RBMS3: variants seen among roughly 807,000 people sequenced by gnomAD.
RBMS3 encodes RNA binding motif single stranded interacting protein 3.
A neutral mutation model predicts 66.8 loss-of-function variants in RBMS3; 27 were observed. The observed-to-expected ratio is 0.40, with a 90% CI of 0.30 to 0.56. The LOEUF (loss-of-function observed/expected upper bound fraction) is 0.56. Ranked by LOEUF, RBMS3 falls within the 20% of genes least tolerant of loss-of-function variation. The probability of loss-of-function intolerance (pLI) is 0.40; values close to 1 mark genes in which losing one functional copy is unlikely to be tolerated. For missense variants in RBMS3, 513 were observed against 549.5 expected (o/e 0.93, Z 0.66); for synonymous variants, 188 against 183.0 (o/e 1.03, Z -0.22).
intron 3 of RBMS3, among the ~76,000 whole-genome samples, chr3:29,529,205 G>A (rs1326140033): frequency 3.3e-5 from 5 of 152,152 alleles, no homozygotes; most frequent in Admixed American, 2.6e-4. Flanking sequence ...TTGATCTATT[G>A]TAACTGTTCA....
chr3:29,994,527 T>C (rs367871017), intron 14 of RBMS3, among the ~76,000 whole-genome samples: 21 of 152,206 alleles, frequency 1.4e-4, no homozygotes, highest in Middle Eastern at 3.4e-3. Flanking sequence ...CTTAAATGTC[T>C]CTGTCTGACA....
Position 29,437,099 on chromosome 3 carries a change from GACTA to G in RBMS3, c.248+2187_248+2190del, listed in dbSNP as rs375925822. Among the ~76,000 whole-genome samples the G allele has an allele frequency of 4.6e-3, 708 of 152,290 alleles. 6 individuals are homozygous for G. The highest frequency in any genetic ancestry group is 0.016 in the African/African-American group (683 of 41,558). ...TCAGCAGTGTGCTGGAGCTGGCTCT[GACTA>G]ACACACTTGAGCCAATTGTTACATA... On this transcript the variant is annotated intron_variant, in intron 2 of 14. Coordinates refer to ENST00000383767, the MANE Select transcript of RBMS3 (RefSeq NM_001003793.3).
At chr3:29,344,141 T>TTTCC (rs1329403294) in intron 1 of RBMS3, among the ~76,000 whole-genome samples, 1 of 152,196 alleles carries the variant, frequency 6.6e-6, no homozygotes, top group Non-Finnish European at 1.5e-5. Context: ...CCTTTCCTTC[T>TTTCC]TTCCTTCCTT....
At chr3:29,817,969 A>C (rs2057962235) in intron 6 of RBMS3, among the ~76,000 whole-genome samples, 1 of 152,092 alleles carries the variant, frequency 6.6e-6, no homozygotes, top group African/African-American at 2.4e-5. Flanking sequence ...TATATGCTAT[A>C]CTCTATGTTA....
At chr3:29,559,549 A>G (rs1288987244) in intron 3 of RBMS3, among the ~76,000 whole-genome samples, 1 of 141,900 alleles carries the variant, frequency 7.0e-6, no homozygotes, top group Non-Finnish European at 1.5e-5. Context: ...AAAAAAAAAA[A>G]AAAACCTGAC....
At chr3:29,618,839 C>T (rs560429291) in intron 4 of RBMS3, among the ~76,000 whole-genome samples, 2 of 152,270 alleles carry the variant, frequency 1.3e-5, no homozygotes, top group African/African-American at 2.4e-5. Flanking sequence ...CTTTAATTTG[C>T]TTCTCTTTTT....
At chr3:29,398,160 C>T (rs1377101543) in intron 1 of RBMS3, among the ~76,000 whole-genome samples, 1 of 152,098 alleles carries the variant, frequency 6.6e-6, no homozygotes, top group Non-Finnish European at 1.5e-5. Flanking sequence ...CCTCATCCAT[C>T]AAATAGAGGT....
At chr3:29,678,754 G>A (rs184769716) in intron 4 of RBMS3, among the ~76,000 whole-genome samples, 28 of 152,184 alleles carry the variant, frequency 1.8e-4, no homozygotes, top group African/African-American at 6.0e-4. Context: ...GAAGGCTACG[G>A]GATACTGGAT....
intron 1 of RBMS3, among the ~76,000 whole-genome samples, chr3:29,284,583 G>A (rs897353734): frequency 3.3e-5 from 5 of 152,132 alleles, no homozygotes; most frequent in African/African-American, 1.2e-4. Flanking sequence ...AAGAACTTGC[G>A]ACACTTCCCT....
intron 4 of RBMS3, among the ~76,000 whole-genome samples, chr3:29,700,851 A>T (rs2052535685): frequency 2.3e-5 from 1 of 43,982 alleles, no homozygotes; most frequent in South Asian, 1.9e-3. Flanking sequence ...CACGAGGGAG[A>T]TTATAAGCAT....
intron 3 of RBMS3, among the ~76,000 whole-genome samples, chr3:29,524,415 ATTTT>A (rs1222102515): frequency 3.3e-4 from 19 of 57,104 alleles, no homozygotes; most frequent in African/African-American, 5.1e-4. Flanking sequence ...CTCCCTTTAC[ATTTT>A]TTTTTTTTTT....
At chr3:29,542,367 T>G (rs1016267256) in intron 3 of RBMS3, among the ~76,000 whole-genome samples, 3 of 151,894 alleles carry the variant, frequency 2.0e-5, no homozygotes, top group East Asian at 1.9e-4. Flanking sequence ...TCCAATTTTT[T>G]TTTGTTTGTT....
intron 8 of RBMS3, among the ~76,000 whole-genome samples, chr3:29,886,848 C>T (rs537468073): frequency 6.6e-6 from 1 of 151,520 alleles, no homozygotes; most frequent in South Asian, 2.1e-4. Context: ...TCTGGAGTGG[C>T]CAATGTATGA....
intron 6 of RBMS3, among the ~76,000 whole-genome samples, chr3:29,850,664 A>G (rs1437503109): frequency 1.3e-5 from 2 of 152,200 alleles, no homozygotes; most frequent in Non-Finnish European, 2.9e-5. Flanking sequence ...CCTCTTTTAA[A>G]TATGAAAACA....
chr3:29,617,410 A>C (rs898018522), intron 4 of RBMS3, among the ~76,000 whole-genome samples: 1 of 152,242 alleles, frequency 6.6e-6, no homozygotes, highest in African/African-American at 2.4e-5. Flanking sequence ...AAAACTGTCA[A>C]AACTAAGCTG....
intron 7 of RBMS3, 72 bp downstream of exon 7, chr3:29,869,036 G>T (rs992009785): frequency 1.5e-5 from 19 of 1,247,038 alleles, no homozygotes; most frequent in Non-Finnish European, 2.0e-5. Context: ...CAAGGCAGAC[G>T]TATGGTGCCA....
intron 1 of RBMS3, among the ~76,000 whole-genome samples, chr3:29,289,214 C>G (rs773661826): frequency 1.3e-5 from 2 of 151,780 alleles, no homozygotes; most frequent in Non-Finnish European, 2.9e-5. Flanking sequence ...TTATAGTGGC[C>G]TCTGCTATGG....
rs146465775 is a variant in RBMS3 at position 29,771,572 on chromosome 3, G to A, written c.637+8583G>A. Reference sequence around the variant, plus strand: ...GGTTACAGCAAAAATTAAGGTTGCAGCTGGAATTAAGGTTGCTAATAAACA... The same window carrying A: ...GGTTACAGCAAAAATTAAGGTTGCAACTGGAATTAAGGTTGCTAATAAACA... On this transcript the variant is annotated intron_variant, in intron 6 of 14. Coordinates refer to ENST00000383767, the MANE Select transcript of RBMS3 (RefSeq NM_001003793.3). 2.6e-3 allele frequency among the ~76,000 whole-genome samples: 398 copies of A among 152,150 alleles called. 3 individuals are homozygous for A. The highest frequency in any genetic ancestry group is 8.6e-3 in the African/African-American group (359 of 41,540).
intron 10 of RBMS3, among the ~76,000 whole-genome samples, chr3:29,931,510 C>T (rs182533741): frequency 5.0e-4 from 76 of 152,264 alleles, no homozygotes; most frequent in Non-Finnish European, 2.6e-4. Flanking sequence ...TGCACTACTA[C>T]GTTGGTTGGA....
Sources: gnomAD v4.1 joint callset for allele counts (sites outside exome capture counted in the v4.1 genomes callset) on GRCh38, gnomAD v4.1.1 for gene constraint, MANE v1.5 for transcripts, NCBI Gene and HGNC (gene_info 2026-07-23, HGNC 2026-07-21) for gene names.